Variants in RCAN3 observed in about 807,000 individuals in gnomAD.
The protein encoded by RCAN3 is calcipressin-3.
A neutral mutation model predicts 21.9 loss-of-function variants in RCAN3; 19 were observed. The observed-to-expected ratio is 0.87, with a 90% confidence interval of 0.61 to 1.27. The LOEUF (loss-of-function observed/expected upper bound fraction) is 1.27. RCAN3 is among the 50% of genes most tolerant of loss of function. The pLI is 0.00. For missense variants in RCAN3, 240 were observed against 300.1 expected, an observed-to-expected ratio of 0.80 and a Z score of 1.48; for synonymous variants, 114 against 112.3, an observed-to-expected ratio of 1.01 and a Z score of -0.09.
intron 2 of RCAN3, among the ~76,000 whole-genome samples, chr1:24,514,968 CA>C (rs36023468): frequency 0.22 from 29,946 of 136,604 alleles, 3,347 homozygotes; most frequent in African/African-American, 0.35. Context: ...GACTCTGTCT[CA>C]AAAAAAAAAA....
intron 2 of RCAN3, among the ~76,000 whole-genome samples, chr1:24,517,280 A>G (rs546782535): frequency 7.9e-5 from 12 of 152,100 alleles, no homozygotes; most frequent in East Asian, 3.9e-4. Flanking sequence ...ATGCCCGGCT[A>G]ATTTTTTTGT....
chr1:24,533,093 C>T lies in RCAN3; in HGVS notation c.380C>T (p.Ser127Phe), dbSNP rs1354749727. Residue 127 changes from serine (S) to phenylalanine (F), a missense_variant, in exon 4 of 5, where the codon TCC becomes TTC. By Grantham distance (155) the Ser-to-Phe change is radical (BLOSUM62 -2). Coordinates refer to ENST00000374395, the MANE Select transcript of RCAN3 (RefSeq NM_013441.4). ...LKLYFAQVQM[S>F]GEVRDKSYLL... ...TCTCGCTCCCTGCAGGTGCAGATGTCCGGCGAAGTGCGGGACAAGTCCTAT... is the reference window on the plus strand; with the variant it reads ...TCTCGCTCCCTGCAGGTGCAGATGTTCGGCGAAGTGCGGGACAAGTCCTAT... 1 of 1,490,190 alleles carries T rather than the reference C, an allele frequency of 6.7e-7. No individual in the cohort carries two copies. Among genetic ancestry groups the T allele is most frequent in the South Asian group, 1.4e-5 (1 of 70,404 alleles). The allele number at this position is 1,490,190 out of a possible 1,614,324, so 92.3% of individuals were successfully genotyped here. A position where few individuals can be genotyped will look rare whatever the true frequency, so the allele number is the denominator to read the frequency against.
intron 4 of RCAN3, 97 bp from the exon 5 acceptor site, chr1:24,534,996 A>G (rs564074705): frequency 2.6e-6 from 3 of 1,148,076 alleles, no homozygotes; most frequent in Non-Finnish European, 3.7e-6. Flanking sequence ...AGAATCACCC[A>G]TTAAAATAGG....
chr1:24,540,783 C>G lies in RCAN3; in HGVS notation c.*5506C>G, dbSNP rs959703338. 6.6e-6 allele frequency: 1 copy of G among 152,164 alleles called. No individual in the cohort carries two copies. The highest frequency in any genetic ancestry group is 1.5e-5 in the Non-Finnish European group (1 of 68,034). 9.4% of individuals were successfully genotyped at this position (152,164 alleles called of 1,614,324 possible). ...TGGTATATAAGCTGTAGTGCATACT[C>G]TTTGTATTGCAAAAAACTGGTCAGT... On this transcript the variant is annotated 3_prime_UTR_variant, in exon 5 of 5. Transcript: ENST00000374395.
chr1:24,533,170 C>T lies in RCAN3; in HGVS notation c.457C>T (p.Pro153Ser). ...KQFLISPPAS[P>S]PVGWKQSEDA... Reference sequence around the variant, plus strand: ...GTTCCTCATCTCCCCTCCAGCCTCTCCCCCGGTGGGGTGGAAGCAGAGCGA... The same window carrying T: ...GTTCCTCATCTCCCCTCCAGCCTCTTCCCCGGTGGGGTGGAAGCAGAGCGA... The change falls in exon 4 of 5, where the codon CCC becomes TCC. Residue 153 changes from proline to serine, a missense_variant. Transcript: ENST00000374395. The T allele has an allele frequency of 6.2e-7, 1 of 1,606,370 alleles. No homozygotes were observed.
At chr1:24,523,014 A>G (rs886225580) in intron 2 of RCAN3, among the ~76,000 whole-genome samples, 10 of 152,038 alleles carry the variant, frequency 6.6e-5, no homozygotes, top group Non-Finnish European at 1.3e-4. Flanking sequence ...AAAGTGGTCA[A>G]ATATCAGCAT....
intron 2 of RCAN3, among the ~76,000 whole-genome samples, chr1:24,515,473 T>C (rs1201645227): frequency 1.3e-5 from 2 of 150,688 alleles, no homozygotes; most frequent in East Asian, 3.9e-4. Context: ...TGCTTTGTTT[T>C]GTTTTTCCCC....
Position 24,535,051 on chromosome 1 carries a change from G to C in RCAN3, c.542-42G>C, listed in dbSNP as rs769740249. The stretch of plus-strand genomic sequence containing the variant: ...AGGGACAAAAGAGTTCTTTTTGCTG[G>C]AAGTGATGCTTTTGTCATGGTTATT... On this transcript the variant is annotated intron_variant, in intron 4 of 4. Coordinates refer to ENST00000374395, the MANE Select transcript of RCAN3 (RefSeq NM_013441.4). The C allele has an allele frequency of 2.5e-6, 4 of 1,574,554 alleles. No homozygotes were observed. The East Asian group carries it at 9.3e-5, about 36-fold the overall frequency.
chr1:24,517,149 C>G (rs1447217612), intron 2 of RCAN3, among the ~76,000 whole-genome samples: 3 of 151,346 alleles, frequency 2.0e-5, no homozygotes, highest in Admixed American at 2.0e-4. Context: ...CTCTGCCTCC[C>G]AGGCTGGAAG....
chr1:24,526,384 C>T (rs1303197423), intron 2 of RCAN3, among the ~76,000 whole-genome samples: 5 of 151,880 alleles, frequency 3.3e-5, no homozygotes, highest in African/African-American at 1.2e-4. Flanking sequence ...ATTCTTAATC[C>T]TATCACAGGT....
At chr1:24,521,000 A>T (rs1346624814) in intron 2 of RCAN3, among the ~76,000 whole-genome samples, 2 of 152,216 alleles carry the variant, frequency 1.3e-5, no homozygotes. Flanking sequence ...CAAATTGCCA[A>T]AACAGTCTTG....
chr1:24,528,312 A>G (rs981940951), intron 2 of RCAN3, among the ~76,000 whole-genome samples: 1 of 152,150 alleles, frequency 6.6e-6, no homozygotes, highest in African/African-American at 2.4e-5. Context: ...TGAGACAAAC[A>G]GATAAAATAA....
rs188622218 is a variant in RCAN3, at chr1:24,524,007, C to T, written c.196-7211C>T. Reference sequence around the variant, plus strand: ...TTGGGAGGCCGAGGTGGGTGGATCACCCTGAGGTCAGGAGTTCGAGACCAG... The same window carrying T: ...TTGGGAGGCCGAGGTGGGTGGATCATCCTGAGGTCAGGAGTTCGAGACCAG... On this transcript the variant is annotated intron_variant, in intron 2 of 4. Transcript: ENST00000374395. Among the ~76,000 whole-genome samples, 399 of 152,102 alleles carry T rather than the reference C, an allele frequency of 2.6e-3. 1 individual carries two copies. The highest frequency in any genetic ancestry group is 4.4e-3 in the Non-Finnish European group (297 of 67,960).
chr1:24,510,315 G>C (rs1647774059), intron 1 of RCAN3, among the ~76,000 whole-genome samples: 1 of 152,204 alleles, frequency 6.6e-6, no homozygotes, highest in African/African-American at 2.4e-5. Flanking sequence ...GAAAGTCCTA[G>C]ATGCATCTTC....
At position 24,541,000 on chromosome 1, in the gene RCAN3, T is replaced by C. The variant is rs1305658604; in HGVS notation, c.*5723T>C. 2.0e-5 allele frequency: 3 copies of C among 152,246 alleles called. No individual in the cohort carries two copies. The highest frequency in any genetic ancestry group is 4.4e-5 in the Non-Finnish European group (3 of 68,040). 9.4% of individuals were successfully genotyped at this position (152,246 alleles called of 1,614,324 possible). On this transcript the variant is annotated 3_prime_UTR_variant, in exon 5 of 5. Transcript: ENST00000374395. ...GATTACCTGTAACAAGTTCTGTTTT[T>C]AAAACGAATACAAATAAAGTTAGTA...
chr1:24,503,938 A>G (rs1301611995), intron 1 of RCAN3, among the ~76,000 whole-genome samples: 1 of 152,256 alleles, frequency 6.6e-6, no homozygotes, highest in East Asian at 1.9e-4. Flanking sequence ...CATACGATGT[A>G]AAGTAATTTG....
At position 24,539,847 on chromosome 1, in the gene RCAN3, T is replaced by C. The variant is rs1415639565; in HGVS notation, c.*4570T>C. 6.6e-6 allele frequency: 1 copy of C among 152,182 alleles called. No individual in the cohort carries two copies. The allele number at this position is 152,182 out of a possible 1,614,324, so 9.4% of individuals were successfully genotyped here. A position where few individuals can be genotyped will look rare whatever the true frequency, so the allele number is the denominator to read the frequency against. ...TGGTCCATCTTTCCTTCTTCCTTTT[T>C]TTGCACATTTGCATTTATATCTTCC... On this transcript the variant is annotated 3_prime_UTR_variant, in exon 5 of 5. Coordinates refer to ENST00000374395, the MANE Select transcript of RCAN3 (RefSeq NM_013441.4).
At chr1:24,509,668 C>T (rs1434742095) in intron 1 of RCAN3, among the ~76,000 whole-genome samples, 1 of 152,180 alleles carries the variant, frequency 6.6e-6, no homozygotes, top group Non-Finnish European at 1.5e-5. Flanking sequence ...TCTTGAACAC[C>T]TCAGAGTCAT....
intron 2 of RCAN3, among the ~76,000 whole-genome samples, chr1:24,517,184 G>C (rs140240850): frequency 1.7e-4 from 26 of 151,264 alleles, no homozygotes; most frequent in African/African-American, 6.3e-4. Context: ...GCGCAGTCTC[G>C]GCTCACTGCA....
Sources: gnomAD v4.1 joint callset for allele counts (sites outside exome capture counted in the v4.1 genomes callset) on GRCh38, gnomAD v4.1.1 for gene constraint, MANE v1.5 for transcripts, NCBI Gene and HGNC (gene_info 2026-07-23, HGNC 2026-07-21) for gene names.